ARSL: variants seen among roughly 807,000 people sequenced by gnomAD.
ARSL encodes the protein arylsulfatase E (chondrodysplasia punctata 1).
In ARSL, 4 loss-of-function variants were observed where a neutral mutation model predicts 31.1. The ratio of observed to expected loss-of-function variants is 0.13; its 90% confidence interval spans 0.06 to 0.29. ARSL has a LOEUF of 0.29. Among genes scored for constraint, ARSL ranks in the 10% least tolerant of loss-of-function variants. The pLI is 1.00. For synonymous variants in ARSL, 198 were observed against 209.9 expected (o/e 0.94, Z 0.49); for missense variants, 312 against 497.8 (o/e 0.63, Z 3.55).
upstream of ARSL, among the ~76,000 whole-genome samples, chrX:2,967,361 A>G (rs2089707332): frequency 8.9e-6 from 1 of 112,174 alleles, no homozygotes; most frequent in African/African-American, 3.2e-5. Flanking sequence ...GGAATGTTAA[A>G]CATTTTGGTC....
chrX:2,960,746 G>C (rs998602801), intron 1 of ARSL, among the ~76,000 whole-genome samples: 6 of 111,407 alleles, frequency 5.4e-5, no homozygotes, highest in African/African-American at 9.8e-5. Context: ...AAAGTGATGA[G>C]AGAATCCCAG....
chrX:2,964,819 A>G (rs1255300090), upstream of ARSL, among the ~76,000 whole-genome samples: 2 of 111,822 alleles, frequency 1.8e-5, no homozygotes, highest in Non-Finnish European at 3.8e-5. Flanking sequence ...AATAAAAAAT[A>G]TTAGGCTGGG....
chrX:2,954,798 G>T (rs1323280692), intron 4 of ARSL, among the ~76,000 whole-genome samples: 2 of 111,675 alleles, frequency 1.8e-5, no homozygotes, highest in African/African-American at 6.5e-5. Context: ...GGAAGCTCCA[G>T]GGTTGGTCAG....
intron 2 of ARSL, among the ~76,000 whole-genome samples, chrX:2,959,336 T>C (rs1249466638): frequency 8.9e-6 from 1 of 111,808 alleles, no homozygotes; most frequent in Non-Finnish European, 1.9e-5. Context: ...TGAAGGAGGT[T>C]CCAGCCTGGA....
Position 2,955,332 on chromosome X carries a change from A to C in ARSL, c.307+84T>G. On this transcript the variant is annotated intron_variant, in intron 4 of 10. Transcript: ENST00000381134. ...CCCCCCAGTCTCTATTTAAATAAAAAATAAAAAAACCAAAATGTAAGAACT... is the reference window on the plus strand; with the variant it reads ...CCCCCCAGTCTCTATTTAAATAAAACATAAAAAAACCAAAATGTAAGAACT... The C allele has an allele frequency of 2.6e-6, 3 of 1,143,318 alleles. No individual in the cohort carries two copies. The South Asian group carries it at 5.8e-5, about 22-fold the overall frequency. 94.2% of individuals were successfully genotyped at this position (1,143,318 alleles called of 1,213,427 possible).
intron 4 of ARSL, among the ~76,000 whole-genome samples, chrX:2,954,092 G>A (rs778096884): frequency 1.1e-4 from 12 of 111,168 alleles, no homozygotes; most frequent in Non-Finnish European, 1.9e-4. Flanking sequence ...CTGCCCATTG[G>A]AATCGTGTGG....
At chrX:2,960,671 G>C (rs1023616291) in intron 1 of ARSL, among the ~76,000 whole-genome samples, 4 of 111,934 alleles carry the variant, frequency 3.6e-5, no homozygotes, top group Admixed American at 9.5e-5. Context: ...TTCAGAGAAA[G>C]AGGAAGAAAG....
intron 5 of ARSL, among the ~76,000 whole-genome samples, chrX:2,951,632 A>G (rs867833805): frequency 7.6e-4 from 80 of 105,308 alleles, no homozygotes; most frequent in African/African-American, 2.6e-3. Flanking sequence ...AAAAAAAAAA[A>G]AAAGAAAAAA....
chrX:2,949,232 A>G lies in ARSL; in HGVS notation c.854+72T>C, dbSNP rs996079451. 2.9e-5 allele frequency: 34 copies of G among 1,154,077 alleles called. No individual in the cohort carries two copies. In the African/African-American group the frequency reaches 5.7e-4, roughly 19 times the overall value. On this transcript the variant is annotated intron_variant, in intron 6 of 10. Coordinates refer to ENST00000381134, the MANE Select transcript of ARSL (RefSeq NM_000047.3). ...AGGAATGAGCCACCATGCCTGACTGAAGAAGACTATTTAGGATGCGTTTTC... is the reference window on the plus strand; with the variant it reads ...AGGAATGAGCCACCATGCCTGACTGGAGAAGACTATTTAGGATGCGTTTTC...
At position 2,943,188 on chromosome X, in the gene ARSL, C is replaced by G; in HGVS notation, c.1003G>C (p.Asp335His). 1 of 1,210,702 alleles carries G rather than the reference C, an allele frequency of 8.3e-7. No individual in the cohort carries two copies. Among genetic ancestry groups the G allele is most frequent in the Non-Finnish European group, 1.1e-6 (1 of 895,320 alleles). ...CTCAAACCCTCCACGTCCAAAGTGT[C>G]AAGGATCCGTCCTGCAAAGAACAGA... ...EMDWMVGRIL[D>H]TLDVEGLSNS... is the part of the protein sequence containing the mutation. The change falls in exon 8 of 11, where the codon GAC becomes CAC. Residue 335 changes from aspartate (D) to histidine (H), a missense_variant. Asp to His is a moderately conservative substitution (Grantham distance 81). Transcript: ENST00000381134.
At chrX:2,967,564 C>T (rs2089708553), upstream of ARSL, among the ~76,000 whole-genome samples, 1 of 111,250 alleles carries the variant, frequency 9.0e-6, no homozygotes, top group South Asian at 3.8e-4. Flanking sequence ...CTGGACAACA[C>T]GGCAAGATCC....
intron 6 of ARSL, among the ~76,000 whole-genome samples, 185 bp downstream of exon 6, chrX:2,949,119 C>CG (rs1341165173): frequency 3.7e-5 from 4 of 109,090 alleles, no homozygotes; most frequent in Non-Finnish European, 7.6e-5. Context: ...TTAGTAGAGA[C>CG]GGGGTTTCAC....
intron 1 of ARSL, among the ~76,000 whole-genome samples, chrX:2,963,688 A>G (rs2089670583): frequency 9.4e-6 from 1 of 105,919 alleles, no homozygotes; most frequent in African/African-American, 3.4e-5. Flanking sequence ...CTACAGGCAC[A>G]TGCCACTATG....
intron 1 of ARSL, among the ~76,000 whole-genome samples, chrX:2,963,413 C>T (rs768093152): frequency 1.8e-5 from 2 of 110,646 alleles, no homozygotes; most frequent in African/African-American, 6.6e-5. Context: ...AATGAGAAAA[C>T]CCCAAACCAC....
rs954147095 is a variant in ARSL, at chrX:2,964,288, C to G, written c.-85G>C. The G allele has an allele frequency of 1.3e-6, 1 of 752,228 alleles. No homozygotes were observed. Among genetic ancestry groups the G allele is most frequent in the African/African-American group, 2.3e-5 (1 of 43,075 alleles). 62.0% of individuals were successfully genotyped at this position (752,228 alleles called of 1,213,427 possible). A position where few individuals can be genotyped will look rare whatever the true frequency, so the allele number is the denominator to read the frequency against. ...GAGGAAGGTTCTCTCCCAAAGGAAGCAAGCGTGAAGGCAGAGAGCACTTGC... is the reference window on the plus strand; with the variant it reads ...GAGGAAGGTTCTCTCCCAAAGGAAGGAAGCGTGAAGGCAGAGAGCACTTGC... On this transcript the variant is annotated 5_prime_UTR_variant, in exon 1 of 11. Transcript: ENST00000381134.
chrX:2,952,648 C>A (rs747456904), intron 5 of ARSL, among the ~76,000 whole-genome samples: 2 of 111,758 alleles, frequency 1.8e-5, no homozygotes, highest in Non-Finnish European at 1.9e-5. Context: ...GATCCATAAA[C>A]CAACCAGAAA....
intron 8 of ARSL, 44 bp downstream of exon 8, chrX:2,943,021 A>G: frequency 1.7e-6 from 2 of 1,204,829 alleles, no homozygotes; most frequent in Non-Finnish European, 2.2e-6. Context: ...TGCAGGGAAG[A>G]GATAAACTTG....
chrX:2,959,882 C>T (rs2089580841), intron 2 of ARSL: 1 of 319,532 alleles, frequency 3.1e-6, no homozygotes, highest in Admixed American at 6.0e-5. Flanking sequence ...ATGGTGAGAC[C>T]CTGTCTCTAT....
At chrX:2,937,502 G>A (rs1359014681) in intron 9 of ARSL, among the ~76,000 whole-genome samples, 11 of 111,143 alleles carry the variant, frequency 9.9e-5, no homozygotes, top group Non-Finnish European at 2.1e-4. Context: ...ACCTTGAAGC[G>A]CGATAAAATA....
Sources: allele counts gnomAD v4.1 joint callset (sites outside exome capture counted in the v4.1 genomes callset), GRCh38; gene constraint gnomAD v4.1.1; transcripts MANE v1.5; gene names NCBI Gene and HGNC (gene_info 2026-07-23, HGNC 2026-07-21).